Variants in ZNF280C observed in about 807,000 individuals in gnomAD.
ZNF280C encodes suppressor of hairy wing homolog 3.
A neutral mutation model predicts 53.6 loss-of-function variants in ZNF280C; 14 were observed. The ratio of observed to expected loss-of-function variants is 0.26; its 90% CI spans 0.17 to 0.41. The LOEUF is 0.41. Ranked by LOEUF, ZNF280C falls within the 10% of genes least tolerant of loss-of-function variation. The pLI is 1.00. For synonymous variants in ZNF280C, 203 were observed against 181.1 expected (o/e 1.12, Z -0.97); for missense variants, 416 against 547.1 (o/e 0.76, Z 2.39).
At chrX:130,243,452 A>G in intron 5 of ZNF280C, 111 bp downstream of exon 5, 1 of 907,294 alleles carries the variant, frequency 1.1e-6, no homozygotes, top group Non-Finnish European at 1.5e-6. Context: ...CCAAAGTACC[A>G]AAGATTACAG....
At chrX:130,260,607 A>G (rs925299960) in intron 1 of ZNF280C, 142 bp from the exon 2 acceptor site, 37 of 331,988 alleles carry the variant, frequency 1.1e-4, no homozygotes, top group Admixed American at 2.8e-4. Context: ...CAGACAAGAC[A>G]GTAAGCTAGG....
At position 130,209,699 on chromosome X, in the gene ZNF280C, G is replaced by A; in HGVS notation, c.1996C>T (p.Pro666Ser). 8.3e-7 allele frequency: 1 copy of A among 1,206,446 alleles called. No homozygotes were observed. The highest frequency in any genetic ancestry group is 1.1e-6 in the Non-Finnish European group (1 of 892,193). ...TTGAAAATACAAAACCGTTTACCTG[G>A]ATGGTTGCTATGAGAGCTGGAGAAA... is the stretch of plus-strand genomic sequence containing the variant. The part of the protein sequence containing the change: ...NHMMSSHSNH[P>S]GKRFCIFKKH... The change falls in exon 16 of 19, where the codon CCA becomes TCA. Residue 666 changes from proline to serine, a missense_variant. This residue lies in a region of ZNF280C where 151 missense variants were observed against 176.9 expected (regional missense o/e 0.85). Transcript: ENST00000370978.
chrX:130,256,443 C>T (rs2032572015), intron 2 of ZNF280C, among the ~76,000 whole-genome samples: 1 of 111,401 alleles, frequency 9.0e-6, no homozygotes, highest in Admixed American at 9.5e-5. Context: ...GGGCCGGGCG[C>T]GGTGGTGGTG....
intron 2 of ZNF280C, among the ~76,000 whole-genome samples, chrX:130,255,800 C>G (rs1328619370): frequency 9.0e-6 from 1 of 111,343 alleles, no homozygotes; most frequent in African/African-American, 3.3e-5. Context: ...ACTAAAAATA[C>G]AAAGATTAGC....
intron 2 of ZNF280C, among the ~76,000 whole-genome samples, chrX:130,249,490 G>A (rs1031589435): frequency 8.0e-5 from 9 of 111,918 alleles, no homozygotes; most frequent in African/African-American, 2.9e-4. Context: ...AGAAGCCAGA[G>A]AAAAAAGCAG....
At chrX:130,236,686 A>AC in intron 6 of ZNF280C, 47 bp from the exon 7 acceptor site, 3 of 933,379 alleles carry the variant, frequency 3.2e-6, no homozygotes, top group Non-Finnish European at 2.9e-6. Context: ...ATATTTCAGT[A>AC]TGGAATATTG....
intron 8 of ZNF280C, among the ~76,000 whole-genome samples, chrX:130,234,697 C>T (rs1044805190): frequency 1.8e-5 from 2 of 111,471 alleles, no homozygotes; most frequent in East Asian, 5.6e-4. Flanking sequence ...CTGTCATTTA[C>T]ACTGGGCATG....
chrX:130,266,186 T>G (rs1344556665), intron 1 of ZNF280C, among the ~76,000 whole-genome samples: 1 of 112,518 alleles, frequency 8.9e-6, no homozygotes, highest in African/African-American at 3.2e-5. Flanking sequence ...TTGATTTACA[T>G]TTTTGCAAAT....
intron 16 of ZNF280C, among the ~76,000 whole-genome samples, chrX:130,206,875 C>T (rs765724650): frequency 7.1e-5 from 8 of 111,934 alleles, no homozygotes; most frequent in Non-Finnish European, 1.3e-4. Flanking sequence ...ATATTTCAAA[C>T]GTTTTATGAT....
intron 5 of ZNF280C, among the ~76,000 whole-genome samples, chrX:130,240,771 A>C (rs1247942586): frequency 8.9e-6 from 1 of 111,872 alleles, no homozygotes; most frequent in Admixed American, 9.6e-5. Context: ...AAGATAACAA[A>C]TGTAACAGTA....
intron 2 of ZNF280C, 66 bp from the exon 3 acceptor site, chrX:130,247,071 T>C: frequency 2.0e-6 from 2 of 997,863 alleles, no homozygotes; most frequent in African/African-American, 1.9e-5. Flanking sequence ...GTGCAATACA[T>C]AGTATGATAT....
In ZNF280C at chrX:130,236,062, A is replaced by AT. The variant is rs752533209; in HGVS notation, c.771+151dup. 627 of 358,092 alleles carry AT rather than the reference A, an allele frequency of 1.8e-3. 4 individuals are homozygous for AT. Among genetic ancestry groups the AT allele is most frequent in the Middle Eastern group, 0.01 (13 of 1,248 alleles). The allele number at this position is 358,092 out of a possible 1,213,427, so 29.5% of individuals were successfully genotyped here. A position where few individuals can be genotyped will look rare whatever the true frequency, so the allele number is the denominator to read the frequency against. On this transcript the variant is annotated intron_variant, in intron 8 of 18. Transcript: ENST00000370978. Reference sequence around the variant, plus strand: ...TTAAAATCTTATATAATCATTGTGAATATCAATTTTAACTTAAGTTACATG... The same window carrying AT: ...TTAAAATCTTATATAATCATTGTGAATTATCAATTTTAACTTAAGTTACATG...
chrX:130,208,193 A>C lies in ZNF280C; in HGVS notation c.2042+1460T>G, dbSNP rs377338795. On this transcript the variant is annotated intron_variant, in intron 16 of 18. Coordinates refer to ENST00000370978, the MANE Select transcript of ZNF280C (RefSeq NM_017666.5). ...GGCCCATGCTGGGGTATAGTGGCGCAATCTTGGCTCACTGCAACCTCCGCC... is the reference window on the plus strand; with the variant it reads ...GGCCCATGCTGGGGTATAGTGGCGCCATCTTGGCTCACTGCAACCTCCGCC... Among the ~76,000 whole-genome samples the C allele has an allele frequency of 8.9e-5, 10 of 111,959 alleles. No individual in the cohort carries two copies. The East Asian group carries it at 2.0e-3, about 22-fold the overall frequency.
At chrX:130,251,796 A>C (rs755891366) in intron 2 of ZNF280C, among the ~76,000 whole-genome samples, 4 of 110,482 alleles carry the variant, frequency 3.6e-5, no homozygotes, top group South Asian at 7.6e-4. Flanking sequence ...CTGAAAAAAA[A>C]AAAAAAACAA....
In ZNF280C at chrX:130,204,600, G is replaced by C. The variant is rs1310904639; in HGVS notation, c.*377C>G. 1.4e-5 allele frequency: 2 copies of C among 146,425 alleles called. No homozygotes were observed. Among genetic ancestry groups the C allele is most frequent in the African/African-American group, 6.2e-5 (2 of 32,232 alleles). The allele number at this position is 146,425 out of a possible 1,213,427, so 12.1% of individuals were successfully genotyped here. On this transcript the variant is annotated 3_prime_UTR_variant, in exon 19 of 19. Coordinates refer to ENST00000370978, the MANE Select transcript of ZNF280C (RefSeq NM_017666.5). ...ATGAACAAGGAATGAAGAAAAAATGGTTATCTGACCTAAACATGTAAGACT... is the reference window on the plus strand; with the variant it reads ...ATGAACAAGGAATGAAGAAAAAATGCTTATCTGACCTAAACATGTAAGACT...
intron 2 of ZNF280C, among the ~76,000 whole-genome samples, chrX:130,257,638 CAG>C (rs943670740): frequency 1.8e-5 from 2 of 111,307 alleles, no homozygotes; most frequent in African/African-American, 6.5e-5. Context: ...CTTGAAAAAA[CAG>C]GGAGTATATA....
chrX:130,251,618 G>A (rs1443563280), intron 2 of ZNF280C, among the ~76,000 whole-genome samples: 2 of 110,701 alleles, frequency 1.8e-5, no homozygotes, highest in Non-Finnish European at 1.9e-5. Flanking sequence ...CCATGGGGCC[G>A]GGCGCGGTAG....
In ZNF280C at chrX:130,246,895, C is replaced by T; in HGVS notation, c.142G>A (p.Val48Ile). ...GGTTTTGAACTTGATATCTCTCCAA[C>T]AAAGATCAGTTCATCGTCATCCTCA... is the stretch of plus-strand genomic sequence containing the variant. Reference protein sequence around the residue: ...QDEDDDELIFVGEISSSKPAI... With the variant: ...QDEDDDELIFIGEISSSKPAI... The change falls in exon 3 of 19, where the codon GTT (valine) becomes ATT (isoleucine). Residue 48 changes from valine (V) to isoleucine (I), a missense_variant. This residue lies in a region of ZNF280C where 193 missense variants were observed against 201.4 expected (regional missense o/e 0.96). Transcript: ENST00000370978. The T allele has an allele frequency of 8.3e-7, 1 of 1,211,130 alleles. No homozygotes were observed. The highest frequency in any genetic ancestry group is 3.0e-5 in the East Asian group (1 of 33,828).
rs2032097539 is a variant in ZNF280C, at chrX:130,215,930, C to T, written c.1699G>A (p.Ala567Thr). Residue 567 changes from alanine (A) to threonine (T), a missense_variant, in exon 14 of 19, where the codon GCA (alanine) becomes ACA (threonine). Transcript: ENST00000370978. ...ACTTTACTTGCAGTGGATGTAGTTG[C>T]ATGAAGCTTACTTGTCTTAGATCTA... ...ASRSKTSKLH[A>T]TTSTASKVNT... is the part of the protein sequence containing the mutation. 1 of 1,209,463 alleles carries T rather than the reference C, an allele frequency of 8.3e-7. No individual in the cohort carries two copies.
Sources: allele counts gnomAD v4.1 joint callset (sites outside exome capture counted in the v4.1 genomes callset), GRCh38; gene constraint gnomAD v4.1.1; regional missense constraint gnomAD v4.1.1; transcripts MANE v1.5; gene names NCBI Gene and HGNC (gene_info 2026-07-23, HGNC 2026-07-21).